The following CCNF variants were observed in gnomAD, a reference collection of about 807,000 sequenced individuals.
CCNF encodes cyclin-F.
CCNF carries 30 observed loss-of-function variants against 85.4 expected under a neutral mutation model. The observed-to-expected ratio is 0.35, with a 90% confidence interval of 0.26 to 0.48. The LOEUF (loss-of-function observed/expected upper bound fraction) is 0.48, where lower values mean the gene tolerates loss of function less well. Among genes scored for constraint, CCNF ranks in the 20% least tolerant of loss-of-function variants. The pLI, the probability that CCNF is intolerant of heterozygous loss-of-function variation, is 0.99. For synonymous variants in CCNF, 439 were observed against 425.1 expected, an observed-to-expected ratio of 1.03 and a Z score of -0.40; for missense variants, 919 against 1,010.4, an observed-to-expected ratio of 0.91 and a Z score of 1.23.
In CCNF at chr16:2,449,299, T is replaced by C; in HGVS notation, c.1236T>C (p.Asp412=). Residue 412 remains aspartate (D), a synonymous_variant, in exon 12 of 17, where the codon GAT becomes GAC. Coordinates refer to ENST00000397066, the MANE Select transcript of CCNF (RefSeq NM_001761.3). ...CTGTCTAGGTCCCCACTGTGGTGGA[T>C]TACAAGGAGGTCCTGCTGACGCTAG... is the stretch of plus-strand genomic sequence containing the variant. ...EGKIRVPTVV[D]YKEVLLTLVP... is the part of the protein sequence containing the mutation. The C allele has an allele frequency of 6.2e-7, 1 of 1,613,844 alleles. No individual in the cohort carries two copies.
chr16:2,432,626 G>A (rs576063020), intron 2 of CCNF, among the ~76,000 whole-genome samples: 90 of 152,124 alleles, frequency 5.9e-4, no homozygotes, highest in Non-Finnish European at 8.2e-4. Context: ...ACACATTTCC[G>A]TCCTGCCTGC....
Position 2,432,974 on chromosome 16 carries a change from T to C in CCNF, c.185T>C (p.Leu62Pro). 6.2e-7 allele frequency: 1 copy of C among 1,605,170 alleles called. No individual in the cohort carries two copies. Among genetic ancestry groups the C allele is most frequent in the Non-Finnish European group, 8.5e-7 (1 of 1,172,794 alleles). ...GTTGTTCTGCAGGTACACTCCCAGC[T>C]GAAGGACCTGGTGGACAACCACGCC... ...ILAVRAVHSQ[L>P]KDLVDNHASV... The change falls in exon 3 of 17, where the codon CTG (leucine) becomes CCG (proline). Residue 62 changes from leucine (L) to proline (P), a missense_variant. By Grantham distance (98) the Leu-to-Pro change is moderately conservative. Around this residue, in one of 3 missense-constraint regions of CCNF, gnomAD observed 410 missense variants for 478.6 expected, o/e 0.86. Transcript: ENST00000397066.
chr16:2,457,246 C>T lies in CCNF; in HGVS notation c.*226C>T. 2.0e-6 allele frequency: 1 copy of T among 492,222 alleles called. No individual in the cohort carries two copies. The highest frequency in any genetic ancestry group is 3.6e-6 in the Non-Finnish European group (1 of 278,112). The allele number at this position is 492,222 out of a possible 1,614,324, so 30.5% of individuals were successfully genotyped here. A position where few individuals can be genotyped will look rare whatever the true frequency, so the allele number is the denominator to read the frequency against. On this transcript the variant is annotated 3_prime_UTR_variant, in exon 17 of 17. Coordinates refer to ENST00000397066, the MANE Select transcript of CCNF (RefSeq NM_001761.3). The stretch of plus-strand genomic sequence containing the variant: ...GATCCCTCTCTTTGGAAAGTTTAGC[C>T]TGGAAGCAGTTGGCCACACTGTGTG...
At chr16:2,438,958 A>G (rs1390793814) in intron 6 of CCNF, among the ~76,000 whole-genome samples, 1 of 151,840 alleles carries the variant, frequency 6.6e-6, no homozygotes, top group Non-Finnish European at 1.5e-5. Flanking sequence ...AGATCGTGCC[A>G]CTATACTTTG....
At position 2,456,980 on chromosome 16, in the gene CCNF, G is replaced by A; in HGVS notation, c.2321G>A (p.Ser774Asn). 2.5e-6 allele frequency: 4 copies of A among 1,604,250 alleles called. No homozygotes were observed. The highest frequency in any genetic ancestry group is 3.4e-6 in the Non-Finnish European group (4 of 1,174,552). ...AAGCGGATAAACCTATGCATACACA[G>A]TGAGGAGGAGGACATGAACCTGGGC... is the stretch of plus-strand genomic sequence containing the variant. ...QVKRINLCIH[S>N]EEEDMNLGLV... The change falls in exon 17 of 17, where the codon AGT (serine) becomes AAT (asparagine). Residue 774 changes from serine (S) to asparagine (N), a missense_variant. By Grantham distance (46) the Ser-to-Asn change is conservative (BLOSUM62 1). This residue lies in a region of CCNF where 505 missense variants were observed against 514.8 expected (regional missense o/e 0.98). Transcript: ENST00000397066. This position sits in a 1 kb window ranked among gnomAD's most constrained non-coding sequence, Gnocchi z 4.5.
At chr16:2,450,043 C>T in intron 13 of CCNF, 128 bp downstream of exon 13, 1 of 710,878 alleles carries the variant, frequency 1.4e-6, no homozygotes, top group South Asian at 1.5e-5. Context: ...CCCACCTCTA[C>T]TAAAAATACA....
Position 2,437,246 on chromosome 16 carries a change from C to G in CCNF, c.464C>G (p.Pro155Arg). ...AAPFIWLFIRPPWSVSGSCCK... is the reference protein window; with the variant it reads ...AAPFIWLFIRRPWSVSGSCCK... Reference sequence around the variant, plus strand: ...CCTTTCATCTGGCTCTTCATCCGCCCTCCGTGGTCGGTGAGCGGAAGCTGC... The same window carrying G: ...CCTTTCATCTGGCTCTTCATCCGCCGTCCGTGGTCGGTGAGCGGAAGCTGC... The change falls in exon 5 of 17, where the codon CCT becomes CGT. Residue 155 changes from proline (P) to arginine (R), a missense_variant. Transcript: ENST00000397066. 3 of 1,612,144 alleles carry G rather than the reference C, an allele frequency of 1.9e-6. No individual in the cohort carries two copies. Among genetic ancestry groups the G allele is most frequent in the Non-Finnish European group, 2.5e-6 (3 of 1,179,408 alleles).
intron 5 of CCNF, chr16:2,437,770 A>G (rs1006451337): frequency 5.1e-5 from 20 of 392,088 alleles, no homozygotes; most frequent in Admixed American, 1.2e-4. Context: ...GTGGTGGTGC[A>G]TACCTATAGT....
intron 1 of CCNF, chr16:2,430,859 C>G: frequency 1.8e-6 from 1 of 557,438 alleles, no homozygotes; most frequent in East Asian, 3.7e-5. Flanking sequence ...AGAAAGTTTC[C>G]CAATAGCCAA....
chr16:2,453,477 T>G lies in CCNF; in HGVS notation c.1655T>G (p.Phe552Cys), dbSNP rs566884441. Residue 552 changes from phenylalanine (F) to cysteine (C), a missense_variant, in exon 15 of 17, where the codon TTC (phenylalanine) becomes TGC (cysteine). Phe to Cys is a radical substitution (Grantham distance 205, BLOSUM62 -2). This residue lies in a region of CCNF where 505 missense variants were observed against 514.8 expected (regional missense o/e 0.98). Transcript: ENST00000397066. This position sits in a 1 kb window ranked among gnomAD's most constrained non-coding sequence, Gnocchi z 5.6. Reference protein sequence around the residue: ...VTQDSPDPPTFLSTGEIHAFL... With the variant: ...VTQDSPDPPTCLSTGEIHAFL... ...CAAGACAGCCCCGACCCCCCGACTT[T>G]CCTCAGCACAGGGGAGATCCACGCC... The G allele has an allele frequency of 1.2e-6, 2 of 1,614,016 alleles. No homozygotes were observed. The highest frequency in any genetic ancestry group is 1.1e-5 in the South Asian group (1 of 91,088).
rs2065404586 is a variant in CCNF, at chr16:2,453,235, T to C, written c.1513T>C (p.Tyr505His). The C allele has an allele frequency of 1.9e-6, 3 of 1,613,784 alleles. No homozygotes were observed. The highest frequency in any genetic ancestry group is 1.3e-5 in the African/African-American group (1 of 75,052). The change falls in exon 14 of 17, where the codon TAC becomes CAC. Residue 505 changes from tyrosine (Y) to histidine (H), a missense_variant. Tyr to His is a moderately conservative substitution (Grantham distance 83). Around this residue, in one of 3 missense-constraint regions of CCNF, gnomAD observed 505 missense variants for 514.8 expected, o/e 0.98. Transcript: ENST00000397066. This position sits in a 1 kb window ranked among gnomAD's most constrained non-coding sequence, Gnocchi z 5.6. Reference sequence around the variant, plus strand: ...CTTCCATGATGACGCCCCCAAGGACTACAGGCAAGTCTCTCTGACCGCCGT... The same window carrying C: ...CTTCCATGATGACGCCCCCAAGGACCACAGGCAAGTCTCTCTGACCGCCGT... ...KCFHDDAPKD[Y>H]RQVSLTAVKQ...
chr16:2,453,512 T>A lies in CCNF; in HGVS notation c.1690T>A (p.Ser564Thr), dbSNP rs1339689161. The change falls in exon 15 of 17, where the codon TCT becomes ACT. Residue 564 changes from serine to threonine, a missense_variant. By Grantham distance (58) the Ser-to-Thr change is moderately conservative. Around this residue, in one of 3 missense-constraint regions of CCNF, gnomAD observed 505 missense variants for 514.8 expected, o/e 0.98. Transcript: ENST00000397066. This position sits in a 1 kb window ranked among gnomAD's most constrained non-coding sequence, Gnocchi z 5.6. The part of the protein sequence containing the change: ...STGEIHAFLS[S>T]PSGRRTKRKR... ...AGGGGAGATCCACGCCTTCCTCAGC[T>A]CTCCCTCGGGGCGGAGAACCAAACG... The A allele has an allele frequency of 6.2e-7, 1 of 1,613,916 alleles. No individual in the cohort carries two copies. The highest frequency in any genetic ancestry group is 2.2e-5 in the East Asian group (1 of 44,872).
chr16:2,441,968 TA>T (rs1567385697), intron 8 of CCNF, among the ~76,000 whole-genome samples: 6 of 134,806 alleles, frequency 4.5e-5, no homozygotes, highest in African/African-American at 1.4e-4. Context: ...TATATATATA[TA>T]TATATATATA....
chr16:2,436,897 G>A (rs887592248), intron 4 of CCNF: 8 of 357,210 alleles, frequency 2.2e-5, no homozygotes, highest in Non-Finnish European at 3.5e-5. Context: ...CAGGCTTCCG[G>A]GAGGACCACA....
intron 6 of CCNF, among the ~76,000 whole-genome samples, chr16:2,438,419 C>T (rs1332594079): frequency 6.6e-6 from 1 of 152,152 alleles, no homozygotes; most frequent in African/African-American, 2.4e-5. Flanking sequence ...TCCTCGTGGG[C>T]CTCTCCTGCT....
At chr16:2,432,618 A>G (rs1313820163) in intron 2 of CCNF, among the ~76,000 whole-genome samples, 1 of 152,142 alleles carries the variant, frequency 6.6e-6, no homozygotes, top group Non-Finnish European at 1.5e-5. Flanking sequence ...AGCACAAAAC[A>G]CATTTCCGTC....
In CCNF at chr16:2,439,418, C is replaced by G. The variant is rs1293472165; in HGVS notation, c.660C>G (p.Thr220=). The change falls in exon 7 of 17, where the codon ACC becomes ACG. Residue 220 remains threonine (T), a synonymous_variant. Coordinates refer to ENST00000397066, the MANE Select transcript of CCNF (RefSeq NM_001761.3). ...FEEAAHQGCL[T]SSYLLWESDR... is the part of the protein sequence containing the mutation. ...AGGCTGCTCATCAGGGATGTCTGAC[C>G]AGCTCCTACCTCCTCTGGGAAAGCG... 1.2e-6 allele frequency: 2 copies of G among 1,611,074 alleles called. No homozygotes were observed. Among genetic ancestry groups the G allele is most frequent in the Admixed American group, 1.7e-5 (1 of 59,786 alleles).
At position 2,430,474 on chromosome 16, in the gene CCNF, T is replaced by A. The variant is rs549471265; in HGVS notation, c.17-656T>A. Among the ~76,000 whole-genome samples, 4 of 152,172 alleles carry A rather than the reference T, an allele frequency of 2.6e-5. No individual in the cohort carries two copies. In the East Asian group the frequency reaches 5.8e-4, roughly 22 times the overall value. On this transcript the variant is annotated intron_variant, in intron 1 of 16. Transcript: ENST00000397066. ...GAATGCCCGTCTCACCTTTAATGAT[T>A]GCATCTGTACACAAACCTACAGGTC...
intron 5 of CCNF, 150 bp from the exon 6 acceptor site, chr16:2,437,920 A>AAG: frequency 1.7e-6 from 1 of 586,836 alleles, no homozygotes; most frequent in African/African-American, 1.9e-5. Flanking sequence ...AAAAAAAAAA[A>AAG]AAGACTGAAA....
Sources: gnomAD v4.1 joint callset for allele counts (sites outside exome capture counted in the v4.1 genomes callset) on GRCh38, gnomAD v4.1.1 for gene constraint, gnomAD v4.1.1 regional missense constraint, Gnocchi (gnomAD v3.1) non-coding constraint, MANE v1.5 for transcripts, NCBI Gene and HGNC (gene_info 2026-07-23, HGNC 2026-07-21) for gene names.